TESK2: variants seen among roughly 807,000 people sequenced by gnomAD.
TESK2 encodes the protein testis associated actin remodelling kinase 2, also known as dual specificity testis-specific protein kinase 2.
Under a neutral mutation model 57.1 loss-of-function variants are expected in TESK2, and 39 were observed. The ratio of observed to expected loss-of-function variants is 0.68; its 90% CI spans 0.53 to 0.89. The LOEUF (loss-of-function observed/expected upper bound fraction) is 0.89. TESK2 is among the 40% of genes least tolerant of loss of function. TESK2 has a pLI of 0.00. For synonymous variants in TESK2, 249 were observed against 267.9 expected (o/e 0.93, Z 0.69); for missense variants, 646 against 732.1 (o/e 0.88, Z 1.36).
At chr1:45,440,668 A>G (rs1401620942) in intron 2 of TESK2, among the ~76,000 whole-genome samples, 1 of 151,940 alleles carries the variant, frequency 6.6e-6, no homozygotes, top group Non-Finnish European at 1.5e-5. Context: ...GTGAGCCAAG[A>G]TCGCACTACT....
chr1:45,475,721 AG>A (rs1183641335), intron 1 of TESK2, among the ~76,000 whole-genome samples: 1 of 152,164 alleles, frequency 6.6e-6, no homozygotes, highest in Non-Finnish European at 1.5e-5. Context: ...GGAGTGGACG[AG>A]GAAGACCCAC....
chr1:45,384,306 A>G (rs1648771934), intron 4 of TESK2, among the ~76,000 whole-genome samples: 1 of 151,060 alleles, frequency 6.6e-6, no homozygotes, highest in African/African-American at 2.5e-5. Flanking sequence ...CTATCTATCT[A>G]TCGACAGGGT....
chr1:45,406,535 G>A (rs1044078646), intron 3 of TESK2, among the ~76,000 whole-genome samples: 1 of 152,040 alleles, frequency 6.6e-6, no homozygotes, highest in African/African-American at 2.4e-5. Context: ...CACACCTGTA[G>A]TACCAGCTGT....
At chr1:45,480,414 C>T (rs538458371) in intron 1 of TESK2, among the ~76,000 whole-genome samples, 31 of 149,142 alleles carry the variant, frequency 2.1e-4, no homozygotes, top group African/African-American at 6.6e-4. Context: ...GCCAAGATTG[C>T]GCCACTGCAC....
chr1:45,399,795 CCTA>C (rs1283438353), intron 3 of TESK2, among the ~76,000 whole-genome samples: 1 of 152,144 alleles, frequency 6.6e-6, no homozygotes, highest in Non-Finnish European at 1.5e-5. Context: ...TTTCCTAGGA[CCTA>C]CTATTAGCCA....
rs745518746 is a variant in TESK2 at position 45,345,144 on chromosome 1, A to G, written c.1412T>C (p.Phe471Ser). The change falls in exon 11 of 11, where the codon TTT (phenylalanine) becomes TCT (serine). Residue 471 changes from phenylalanine (F) to serine (S), a missense_variant. Physicochemically the swap from Phe to Ser is radical, Grantham distance 155. Coordinates refer to ENST00000372086, the MANE Select transcript of TESK2 (RefSeq NM_007170.3). ...AGATAGCGATTCTTCCCGGCCCACA[A>G]ATGGACAAGCCTCTTGATGCAAGAA... ...PEFLHQEACP[F>S]VGREESLSDG... is the part of the protein sequence containing the mutation. 3.1e-6 allele frequency: 5 copies of G among 1,614,200 alleles called. No individual in the cohort carries two copies. In the Admixed American group the frequency reaches 8.3e-5, roughly 27 times the overall value.
At chr1:45,405,500 A>C (rs549291867) in intron 3 of TESK2, among the ~76,000 whole-genome samples, 16 of 151,486 alleles carry the variant, frequency 1.1e-4, no homozygotes, top group Non-Finnish European at 2.1e-4. Context: ...CCTCTTTAAA[A>C]AATATTCAGG....
chr1:45,390,960 C>G (rs993029484), intron 3 of TESK2, among the ~76,000 whole-genome samples: 20 of 150,960 alleles, frequency 1.3e-4, no homozygotes, highest in African/African-American at 1.7e-4. Flanking sequence ...ACTCTGCGCC[C>G]AGGCTGGAGT....
chr1:45,484,179 G>C (rs1653359012), intron 1 of TESK2, among the ~76,000 whole-genome samples: 1 of 144,850 alleles, frequency 6.9e-6, no homozygotes, highest in South Asian at 2.2e-4. Flanking sequence ...CGCGATCTCG[G>C]CTCACTGCAA....
chr1:45,354,737 C>A (rs949345598), intron 5 of TESK2, among the ~76,000 whole-genome samples: 1 of 132,022 alleles, frequency 7.6e-6, no homozygotes, highest in African/African-American at 2.9e-5. Context: ...TGCAGTGAGC[C>A]GAGACCATGC....
At chr1:45,369,904 G>T (rs1344148475) in intron 4 of TESK2, among the ~76,000 whole-genome samples, 2 of 151,996 alleles carry the variant, frequency 1.3e-5, no homozygotes, top group Non-Finnish European at 2.9e-5. Flanking sequence ...TAGAGATGGG[G>T]GTTTCACCAT....
At chr1:45,358,625 T>C (rs1054470691) in intron 4 of TESK2, among the ~76,000 whole-genome samples, 1 of 152,160 alleles carries the variant, frequency 6.6e-6, no homozygotes, top group Non-Finnish European at 1.5e-5. Flanking sequence ...GTAGGTACAC[T>C]GGTACTTTTT....
At chr1:45,347,763 T>A in intron 6 of TESK2, 70 bp from the exon 7 acceptor site, 1 of 1,554,080 alleles carries the variant, frequency 6.4e-7, no homozygotes. Context: ...TGACCATTCC[T>A]CCACCTCAAG....
chr1:45,418,602 T>A (rs1650342698), intron 3 of TESK2, among the ~76,000 whole-genome samples: 1 of 152,166 alleles, frequency 6.6e-6, no homozygotes, highest in Admixed American at 6.5e-5. Context: ...ATACATAATC[T>A]CTTGGCCTCA....
At chr1:45,397,745 T>C (rs1649424914) in intron 3 of TESK2, among the ~76,000 whole-genome samples, 1 of 152,176 alleles carries the variant, frequency 6.6e-6, no homozygotes, top group African/African-American at 2.4e-5. Flanking sequence ...ACTTCCATAT[T>C]GTTGTGAGAA....
intron 2 of TESK2, among the ~76,000 whole-genome samples, chr1:45,434,849 T>C (rs1020943123): frequency 2.6e-5 from 4 of 152,154 alleles, no homozygotes; most frequent in African/African-American, 9.6e-5. Context: ...TAGTCTAATA[T>C]AGTCCCATTT....
chr1:45,363,309 T>C lies in TESK2; in HGVS notation c.394-7860A>G, dbSNP rs76866059. On this transcript the variant is annotated intron_variant, in intron 4 of 10. Coordinates refer to ENST00000372086, the MANE Select transcript of TESK2 (RefSeq NM_007170.3). The stretch of plus-strand genomic sequence containing the variant: ...TATTCCATTAGCTTTCTAACCTGTT[T>C]TCTTGCCCCCTTTTGCATCTTGAAA... Among the ~76,000 whole-genome samples, 343 of 152,342 alleles carry C rather than the reference T, an allele frequency of 2.3e-3. 7 individuals carry two copies. The East Asian group carries it at 0.032, about 14-fold the overall frequency.
At chr1:45,439,963 A>AC (rs1356013717) in intron 2 of TESK2, among the ~76,000 whole-genome samples, 1 of 140,452 alleles carries the variant, frequency 7.1e-6, no homozygotes, top group Non-Finnish European at 1.6e-5. Context: ...CCCCACTGCC[A>AC]CTTTTTTTTT....
intron 4 of TESK2, among the ~76,000 whole-genome samples, chr1:45,365,997 C>T (rs1012595140): frequency 2.0e-5 from 3 of 151,646 alleles, no homozygotes; most frequent in African/African-American, 7.3e-5. Flanking sequence ...TTAGTAGAGA[C>T]GGGGTTTCAC....
Sources: allele counts gnomAD v4.1 joint callset (sites outside exome capture counted in the v4.1 genomes callset), GRCh38; gene constraint gnomAD v4.1.1; transcripts MANE v1.5; gene names NCBI Gene and HGNC (gene_info 2026-07-23, HGNC 2026-07-21).